CAMKMT: variants seen among roughly 807,000 people sequenced by gnomAD.
CAMKMT encodes the protein CaM KMT.
CAMKMT carries 53 observed loss-of-function variants against 48.0 expected under a neutral mutation model. The observed-to-expected ratio is 1.10, with a 90% CI of 0.89 to 1.39. The LOEUF is 1.39. Among genes scored for constraint, CAMKMT ranks in the 40% most tolerant of loss-of-function variants. CAMKMT has a pLI of 0.00. For missense variants in CAMKMT, 428 were observed against 402.7 expected (o/e 1.06, Z -0.54); for synonymous variants, 165 against 152.3 (o/e 1.08, Z -0.61).
chr2:44,716,377 A>G (rs1678176342), intron 7 of CAMKMT, among the ~76,000 whole-genome samples: 1 of 152,200 alleles, frequency 6.6e-6, no homozygotes, highest in Non-Finnish European at 1.5e-5. Flanking sequence ...GGCTTCGGAC[A>G]TGAAAATAGC....
At chr2:44,555,007 A>T (rs1667931434) in intron 3 of CAMKMT, among the ~76,000 whole-genome samples, 1 of 152,136 alleles carries the variant, frequency 6.6e-6, no homozygotes, top group South Asian at 2.1e-4. Context: ...GGAAGATAGG[A>T]TGGTTTTGAG....
chr2:44,600,165 C>T (rs1349293084), intron 3 of CAMKMT, among the ~76,000 whole-genome samples: 1 of 151,926 alleles, frequency 6.6e-6, no homozygotes, highest in Non-Finnish European at 1.5e-5. Context: ...TTTTCAGATT[C>T]AGAGTTTAAA....
At chr2:44,482,019 A>G (rs1161667933) in intron 3 of CAMKMT, among the ~76,000 whole-genome samples, 5 of 152,082 alleles carry the variant, frequency 3.3e-5, no homozygotes, top group African/African-American at 7.2e-5. Context: ...TTAGTAAAAT[A>G]TTACCTAAAA....
rs148691758 is a variant in CAMKMT at position 44,654,711 on chromosome 2, C to T, written c.377-49572C>T. On this transcript the variant is annotated intron_variant, in intron 3 of 10. Transcript: ENST00000378494. ...GTATTTTTTGGTAGAGACAGGGTTT[C>T]GCCATGTTGGCCAGATTGGTCTCAA... is the stretch of plus-strand genomic sequence containing the variant. 5.9e-3 allele frequency among the ~76,000 whole-genome samples: 898 copies of T among 152,224 alleles called. 10 individuals are homozygous for T. The highest frequency in any genetic ancestry group is 0.02 in the African/African-American group (827 of 41,532).
At chr2:44,612,184 T>G (rs1200186855) in intron 3 of CAMKMT, among the ~76,000 whole-genome samples, 9 of 96,602 alleles carry the variant, frequency 9.3e-5, no homozygotes, top group Non-Finnish European at 2.3e-4. Context: ...GCCGTTATCA[T>G]TAGAATGATC....
chr2:44,701,948 T>C (rs1005867867), intron 3 of CAMKMT, among the ~76,000 whole-genome samples: 1 of 152,180 alleles, frequency 6.6e-6, no homozygotes. Flanking sequence ...GATTATATCC[T>C]AGTGGTCACA....
chr2:44,632,671 G>A (rs1378197070), intron 3 of CAMKMT, among the ~76,000 whole-genome samples: 1 of 152,184 alleles, frequency 6.6e-6, no homozygotes, highest in African/African-American at 2.4e-5. Flanking sequence ...TAAGGGTGTT[G>A]CCAAAGGAGA....
chr2:44,512,936 C>T (rs1670642559), intron 3 of CAMKMT, among the ~76,000 whole-genome samples: 1 of 152,066 alleles, frequency 6.6e-6, no homozygotes, highest in Non-Finnish European at 1.5e-5. Context: ...TGGATGAAGC[C>T]AGTTCAGGAA....
chr2:44,418,814 T>C (rs77928567), intron 3 of CAMKMT, among the ~76,000 whole-genome samples: 4,516 of 152,344 alleles, frequency 0.03, 92 homozygotes, highest in Non-Finnish European at 0.045. Context: ...GCACTAAATT[T>C]GTAGCTGAAT....
intron 3 of CAMKMT, among the ~76,000 whole-genome samples, chr2:44,616,102 T>C (rs534649558): frequency 6.6e-6 from 1 of 152,308 alleles, no homozygotes; most frequent in Admixed American, 6.5e-5. Flanking sequence ...CTGTGGATTG[T>C]CCTTGAAATC....
At chr2:44,671,913 C>A (rs1196213990) in intron 3 of CAMKMT, among the ~76,000 whole-genome samples, 1 of 152,176 alleles carries the variant, frequency 6.6e-6, no homozygotes, top group Non-Finnish European at 1.5e-5. Flanking sequence ...ACTTCAGATT[C>A]TTTTCCTGCC....
chr2:44,574,427 G>A (rs1669092069), intron 3 of CAMKMT, among the ~76,000 whole-genome samples: 1 of 152,146 alleles, frequency 6.6e-6, no homozygotes, highest in African/African-American at 2.4e-5. Context: ...AGGAATATTG[G>A]CTTGGTGTGT....
At chr2:44,420,475 A>G (rs137944078) in intron 3 of CAMKMT, among the ~76,000 whole-genome samples, 2 of 152,248 alleles carry the variant, frequency 1.3e-5, no homozygotes, top group East Asian at 1.9e-4. Context: ...ACTTTTGACT[A>G]TTAATAAACC....
intron 3 of CAMKMT, among the ~76,000 whole-genome samples, chr2:44,559,091 A>C (rs763112347): frequency 6.6e-6 from 1 of 152,196 alleles, no homozygotes; most frequent in Non-Finnish European, 1.5e-5. Context: ...CAGTTTCTAC[A>C]ACAGATGGTT....
At chr2:44,677,021 T>A (rs543605) in intron 3 of CAMKMT, among the ~76,000 whole-genome samples, 95,094 of 151,456 alleles carry the variant, frequency 0.63, 30,396 homozygotes, top group Middle Eastern at 0.67. Context: ...TCTTTATACC[T>A]GTCTGAGGAC....
chr2:44,433,607 A>G (rs1684778630), intron 3 of CAMKMT, among the ~76,000 whole-genome samples: 1 of 152,202 alleles, frequency 6.6e-6, no homozygotes, highest in Non-Finnish European at 1.5e-5. Context: ...TTTCATGCAA[A>G]ATAAGTTCTA....
chr2:44,558,056 TTCATTCATTC>T (rs1668114551), intron 3 of CAMKMT, among the ~76,000 whole-genome samples: 1 of 151,426 alleles, frequency 6.6e-6, no homozygotes, highest in Non-Finnish European at 1.5e-5. Flanking sequence ...CATTCATTCA[TTCATTCATTC>T]ATTCATTCGA....
chr2:44,494,193 T>G (rs1184317250), intron 3 of CAMKMT, among the ~76,000 whole-genome samples: 1 of 152,240 alleles, frequency 6.6e-6, no homozygotes, highest in Non-Finnish European at 1.5e-5. Context: ...AAACCCTCGC[T>G]CAAAACAACT....
At chr2:44,756,619 G>C (rs1256568844) in intron 9 of CAMKMT, among the ~76,000 whole-genome samples, 1 of 152,012 alleles carries the variant, frequency 6.6e-6, no homozygotes, top group African/African-American at 2.4e-5. Flanking sequence ...GCGGGCGCCT[G>C]TAGTCCCAGC....
Sources: gnomAD v4.1 joint callset for allele counts (sites outside exome capture counted in the v4.1 genomes callset) on GRCh38, gnomAD v4.1.1 for gene constraint, MANE v1.5 for transcripts, NCBI Gene and HGNC (gene_info 2026-07-23, HGNC 2026-07-21) for gene names.